Variants in MAP3K15 observed in about 807,000 individuals in gnomAD.
MAP3K15 encodes the protein mitogen-activated protein kinase kinase kinase 15, also known as MAPK/ERK kinase kinase 15.
MAP3K15 carries 124 observed loss-of-function variants against 99.5 expected under a neutral mutation model. That is an observed-to-expected ratio of 1.25 (90% confidence interval 1.08 to 1.45). The LOEUF (loss-of-function observed/expected upper bound fraction) is 1.45. Among genes scored for constraint, MAP3K15 ranks in the 40% most tolerant of loss-of-function variants. The pLI is 0.00. For missense variants in MAP3K15, 1,242 were observed against 1,079.7 expected, an observed-to-expected ratio of 1.15 and a Z score of -2.11; for synonymous variants, 494 against 439.6, an observed-to-expected ratio of 1.12 and a Z score of -1.55.
At chrX:19,460,871 T>G (rs1349304012) in intron 4 of MAP3K15, among the ~76,000 whole-genome samples, 1 of 111,048 alleles carries the variant, frequency 9.0e-6, no homozygotes, top group Non-Finnish European at 1.9e-5. Context: ...GCCTCCCTGG[T>G]TCAAGCGATT....
At chrX:19,378,362 T>TA (rs1448073687) in intron 19 of MAP3K15, among the ~76,000 whole-genome samples, 2 of 112,110 alleles carry the variant, frequency 1.8e-5, no homozygotes, top group African/African-American at 3.2e-5. Flanking sequence ...TATGAAGAAA[T>TA]ACCTGAGACT....
intron 4 of MAP3K15, among the ~76,000 whole-genome samples, chrX:19,463,651 A>C (rs2064146241): frequency 8.9e-6 from 1 of 112,078 alleles, no homozygotes; most frequent in African/African-American, 3.2e-5. Flanking sequence ...ATCTAAGCCA[A>C]GATTCCAATC....
At chrX:19,469,801 C>T (rs534038645) in intron 3 of MAP3K15, among the ~76,000 whole-genome samples, 3,822 of 108,823 alleles carry the variant, frequency 0.035, 230 homozygotes, top group African/African-American at 0.12. Flanking sequence ...CATGAAAAAA[C>T]GCTCATCATC....
At chrX:19,498,824 C>T (rs1182298236) in intron 1 of MAP3K15, among the ~76,000 whole-genome samples, 1 of 111,789 alleles carries the variant, frequency 8.9e-6, no homozygotes, top group Non-Finnish European at 1.9e-5. Flanking sequence ...ATGTAAAAGC[C>T]GAAACAAAGT....
chrX:19,502,712 T>C (rs1412167520), intron 1 of MAP3K15, among the ~76,000 whole-genome samples: 9 of 111,496 alleles, frequency 8.1e-5, no homozygotes, highest in Non-Finnish European at 1.7e-4. Flanking sequence ...TGCCAGCTAC[T>C]CTGGAGGCTG....
At chrX:19,390,875 T>C (rs1308329601) in intron 18 of MAP3K15, among the ~76,000 whole-genome samples, 2 of 110,749 alleles carry the variant, frequency 1.8e-5, no homozygotes, top group African/African-American at 3.3e-5. Flanking sequence ...CTTTGTGATC[T>C]TTACGTTACT....
At chrX:19,403,029 T>C (rs1420028412) in intron 13 of MAP3K15, among the ~76,000 whole-genome samples, 1 of 111,252 alleles carries the variant, frequency 9.0e-6, no homozygotes, top group Admixed American at 9.6e-5. Flanking sequence ...TTCTGTTTAT[T>C]TGTAGGTCAA....
At chrX:19,452,876 G>T (rs1260871816) in intron 6 of MAP3K15, among the ~76,000 whole-genome samples, 1 of 110,357 alleles carries the variant, frequency 9.1e-6, no homozygotes, top group Non-Finnish European at 1.9e-5. Flanking sequence ...CATCAGCAAT[G>T]GTTAGTGTAT....
intron 7 of MAP3K15, among the ~76,000 whole-genome samples, chrX:19,430,317 T>A (rs1197272226): frequency 9.0e-6 from 1 of 111,598 alleles, no homozygotes; most frequent in African/African-American, 3.3e-5. Flanking sequence ...TAGAACCACA[T>A]GGTGGAGAGC....
intron 24 of MAP3K15, among the ~76,000 whole-genome samples, chrX:19,369,911 GA>G (rs1225091488): frequency 0.02 from 2,007 of 100,310 alleles, 57 homozygotes; most frequent in African/African-American, 0.067. Flanking sequence ...CTCTGTCTCA[GA>G]AAAAAAAAAA....
At chrX:19,453,613 CTTTG>C (rs760240358) in intron 6 of MAP3K15, among the ~76,000 whole-genome samples, 66 of 110,270 alleles carry the variant, frequency 6.0e-4, no homozygotes, top group Admixed American at 1.3e-3. Flanking sequence ...TTGCCTTTTT[CTTTG>C]TTTGTTTCTT....
chrX:19,486,895 C>G (rs1422323340), intron 2 of MAP3K15, among the ~76,000 whole-genome samples: 1 of 110,643 alleles, frequency 9.0e-6, no homozygotes, highest in Non-Finnish European at 1.9e-5. Flanking sequence ...AAGAAAGGGC[C>G]CAGAAGGCAC....
At chrX:19,430,810 T>G (rs1015483124) in intron 7 of MAP3K15, among the ~76,000 whole-genome samples, 3 of 110,768 alleles carry the variant, frequency 2.7e-5, no homozygotes, top group African/African-American at 9.9e-5. Flanking sequence ...CTTTCTCCAG[T>G]TATCTGTGAA....
rs369235483 is a variant in MAP3K15 at position 19,488,807 on chromosome X, G to A, written c.501+21C>T. 2.5e-6 allele frequency: 3 copies of A among 1,180,356 alleles called. No homozygotes were observed. In the African/African-American group the frequency reaches 5.3e-5, roughly 21 times the overall value. On this transcript the variant is annotated intron_variant, in intron 2 of 28. Transcript: ENST00000338883. ...TGCTTTCCCAAAACAAAGTACTCAG[G>A]AGAAGGTGAATACACTGTACCTTCA...
intron 9 of MAP3K15, among the ~76,000 whole-genome samples, chrX:19,421,394 CAGAG>C (rs879011155): frequency 1.8e-5 from 2 of 110,723 alleles, no homozygotes; most frequent in Non-Finnish European, 3.8e-5. Context: ...AACAGACAAA[CAGAG>C]AGCCAAATCA....
intron 12 of MAP3K15, among the ~76,000 whole-genome samples, chrX:19,407,678 G>A (rs2063657558): frequency 8.9e-6 from 1 of 112,362 alleles, no homozygotes; most frequent in South Asian, 3.7e-4. Context: ...AAAGTATCAG[G>A]ACACAGTATT....
intron 3 of MAP3K15, among the ~76,000 whole-genome samples, chrX:19,471,080 T>C (rs2064204926): frequency 1.8e-5 from 2 of 110,130 alleles, no homozygotes; most frequent in Non-Finnish European, 3.8e-5. Flanking sequence ...AACTTGAAGA[T>C]AGAAAAATAG....
chrX:19,372,028 A>G (rs181236459), intron 22 of MAP3K15, among the ~76,000 whole-genome samples: 1 of 109,063 alleles, frequency 9.2e-6, no homozygotes, highest in Non-Finnish European at 1.9e-5. Context: ...CAGCTACTGG[A>G]AAGGCTGAGG....
chrX:19,392,267 C>T, intron 17 of MAP3K15, 76 bp downstream of exon 17: 1 of 1,108,309 alleles, frequency 9.0e-7, no homozygotes, highest in Non-Finnish European at 1.2e-6. Context: ...CAGCCAGTCA[C>T]TCAGCAGACA....
Sources: allele counts gnomAD v4.1 joint callset (sites outside exome capture counted in the v4.1 genomes callset), GRCh38; gene constraint gnomAD v4.1.1; transcripts MANE v1.5; gene names NCBI Gene and HGNC (gene_info 2026-07-23, HGNC 2026-07-21).